CDHR3: variants seen among roughly 807,000 people sequenced by gnomAD.
The protein encoded by CDHR3 is cadherin-related family member 3.
In CDHR3, 79 loss-of-function variants were observed where a neutral mutation model predicts 86.6. That is an observed-to-expected ratio of 0.91 (90% CI 0.76 to 1.10). The LOEUF is 1.10. Among genes scored for constraint, CDHR3 ranks in the 50% least tolerant of loss-of-function variants. The probability of loss-of-function intolerance (pLI) is 0.00; values close to 1 mark genes in which losing one functional copy is unlikely to be tolerated. For missense variants in CDHR3, 1,081 were observed against 1,077.6 expected, an observed-to-expected ratio of 1.00 and a Z score of -0.04; for synonymous variants, 421 against 402.4, an observed-to-expected ratio of 1.05 and a Z score of -0.55.
intron 8 of CDHR3, among the ~76,000 whole-genome samples, chr7:106,007,849 C>T (rs1042094429): frequency 6.6e-6 from 1 of 152,152 alleles, no homozygotes; most frequent in Non-Finnish European, 1.5e-5. Context: ...TCTATTGGTA[C>T]CAATTTACTG....
chr7:106,017,753 CCTT>C, intron 11 of CDHR3, 90 bp from the exon 12 acceptor site: 1 of 1,023,314 alleles, frequency 9.8e-7, no homozygotes, highest in Non-Finnish European at 1.5e-6. Context: ...CTCCAGAAGT[CCTT>C]CTTACCATGG....
At chr7:105,982,832 TATTAGCC>T (rs1829969603) in intron 3 of CDHR3, among the ~76,000 whole-genome samples, 1 of 151,226 alleles carries the variant, frequency 6.6e-6, no homozygotes, top group Non-Finnish European at 1.5e-5. Context: ...AAAATACCAA[TATTAGCC>T]AGATGTGGTG....
chr7:105,968,928 A>T (rs1827416301), intron 1 of CDHR3, among the ~76,000 whole-genome samples: 1 of 151,230 alleles, frequency 6.6e-6, no homozygotes, highest in Non-Finnish European at 1.5e-5. Flanking sequence ...CTCTACTAAA[A>T]ATACAAAAAG....
chr7:106,027,604 A>G (rs1171723056), intron 16 of CDHR3: 1 of 445,812 alleles, frequency 2.2e-6, no homozygotes, highest in Non-Finnish European at 4.5e-6. Flanking sequence ...GCTTGGCCTC[A>G]AGTAGACTCC....
chr7:105,991,116 T>G (rs1307206310), intron 4 of CDHR3, among the ~76,000 whole-genome samples: 2 of 152,188 alleles, frequency 1.3e-5, no homozygotes, highest in African/African-American at 4.8e-5. Flanking sequence ...TAGCCAGGAC[T>G]GGGGGCAGAG....
chr7:105,968,128 G>C (rs1202539089), intron 1 of CDHR3, among the ~76,000 whole-genome samples: 1 of 152,116 alleles, frequency 6.6e-6, no homozygotes, highest in Non-Finnish European at 1.5e-5. Context: ...ATCACTAGTT[G>C]AATCACCTTT....
intron 6 of CDHR3, among the ~76,000 whole-genome samples, chr7:105,999,708 G>A (rs1323073547): frequency 2.0e-5 from 3 of 152,102 alleles, no homozygotes; most frequent in Non-Finnish European, 4.4e-5. Context: ...GCCACCTCTG[G>A]CATCACCTTA....
intron 16 of CDHR3, 138 bp from the exon 17 acceptor site, chr7:106,028,413 A>T: frequency 1.1e-6 from 1 of 932,358 alleles, no homozygotes; most frequent in Non-Finnish European, 1.7e-6. Context: ...AAACATATCT[A>T]TAGACAGAAC....
At chr7:105,980,909 A>T in intron 2 of CDHR3, 59 bp from the exon 3 acceptor site, 1 of 1,472,792 alleles carries the variant, frequency 6.8e-7, no homozygotes, top group South Asian at 1.3e-5. Context: ...TGCAAAGTGC[A>T]TGCATGCAAA....
intron 14 of CDHR3, among the ~76,000 whole-genome samples, chr7:106,023,942 C>T (rs896499856): frequency 6.6e-6 from 1 of 152,074 alleles, no homozygotes. Context: ...TGATATCAGC[C>T]CACTGCTCTG....
At position 105,975,007 on chromosome 7, in the gene CDHR3, A is replaced by T. The variant is rs747286133; in HGVS notation, c.210A>T (p.Glu70Asp). The change falls in exon 2 of 19, where the codon GAA becomes GAT. Residue 70 changes from glutamate to aspartate, a missense_variant. Physicochemically the swap from Glu to Asp is conservative, Grantham distance 45. Transcript: ENST00000317716. ...PQIVNSNPLT[E>D]AFRVNWLSGT... ...TAGTCAACTCAAATCCCCTCACTGA[A>T]GCTTTTAGGGTGAATTGGCTGTCAG... is the stretch of plus-strand genomic sequence containing the variant. 2.5e-6 allele frequency: 4 copies of T among 1,613,962 alleles called. No homozygotes were observed. Among genetic ancestry groups the T allele is most frequent in the Non-Finnish European group, 2.5e-6 (3 of 1,179,868 alleles).
At chr7:106,032,262 G>A (rs1244558890) in intron 18 of CDHR3, 131 bp from the exon 19 acceptor site, 22 of 866,038 alleles carry the variant, frequency 2.5e-5, no homozygotes, top group Non-Finnish European at 3.7e-5. Flanking sequence ...TACTGTCTGT[G>A]TCAGTGATTC....
In CDHR3 at chr7:105,989,092, G is replaced by A. The variant is rs1015385881; in HGVS notation, c.513+4803G>A. ...CTTCCTGGGCACCTTCTGTGTTGTG[G>A]TGGGCATGCAGGTAGAGCCGGGGCT... On this transcript the variant is annotated intron_variant, in intron 4 of 18. Transcript: ENST00000317716. 6.6e-5 allele frequency among the ~76,000 whole-genome samples: 10 copies of A among 152,176 alleles called. No homozygotes were observed. The East Asian group carries it at 1.9e-3, about 29-fold the overall frequency.
chr7:106,020,449 T>TG lies in CDHR3; in HGVS notation c.1732dup (p.Asp578GlyfsTer19). 6.2e-7 allele frequency: 1 copy of TG among 1,613,996 alleles called. No homozygotes were observed. Among genetic ancestry groups the TG allele is most frequent in the Middle Eastern group, 1.6e-4 (1 of 6,062 alleles). On this transcript the variant is annotated frameshift_variant, in exon 13 of 19. Coordinates refer to ENST00000317716, the MANE Select transcript of CDHR3 (RefSeq NM_152750.5). LOFTEE classifies it high-confidence loss of function. ...AACTCTTATTTCCTGGCCCTCCCAG[T>TG]GGATCTGAAAGTTGGCACAAATATT... is the stretch of plus-strand genomic sequence containing the variant.
intron 9 of CDHR3, among the ~76,000 whole-genome samples, chr7:106,014,550 G>GT (rs1247242577): frequency 6.6e-6 from 1 of 152,204 alleles, no homozygotes; most frequent in Non-Finnish European, 1.5e-5. Context: ...GAGGCCACGA[G>GT]TTTGAGGCTG....
intron 1 of CDHR3, among the ~76,000 whole-genome samples, chr7:105,968,249 A>G (rs575003485): frequency 3.2e-4 from 49 of 152,334 alleles, no homozygotes; most frequent in African/African-American, 1.0e-3. Flanking sequence ...GAAGAGGTAT[A>G]TATTGTGGAA....
At chr7:105,989,173 A>T (rs1230597408) in intron 4 of CDHR3, among the ~76,000 whole-genome samples, 3 of 151,750 alleles carry the variant, frequency 2.0e-5, no homozygotes, top group African/African-American at 7.3e-5. Context: ...GATGATCTGC[A>T]TGTGAATAAT....
chr7:105,971,333 G>T (rs546482665), intron 1 of CDHR3, among the ~76,000 whole-genome samples: 1 of 152,266 alleles, frequency 6.6e-6, no homozygotes, highest in South Asian at 2.1e-4. Flanking sequence ...AAGAATATCG[G>T]CAGAAAGGGC....
rs144577911 is a variant in CDHR3 at position 106,013,013 on chromosome 7, T to G, written c.1206T>G (p.Ala402=). 2,195 of 1,607,640 alleles carry G rather than the reference T, an allele frequency of 1.4e-3. 30 individuals carry two copies. In the African/African-American group the frequency reaches 0.026, roughly 19 times the overall value. Residue 402 remains alanine (A), a synonymous_variant, in exon 9 of 19, where the codon GCT becomes GCG. Transcript: ENST00000317716. ...GCAGCAGATTTTTACAGGATCCAGC[T>G]GGCTCTGGGAAGATTGTGGTCAGTT... is the stretch of plus-strand genomic sequence containing the variant. ...GSGSRFLQDP[A]GSGKIVLIGD...
Sources: allele counts gnomAD v4.1 joint callset (sites outside exome capture counted in the v4.1 genomes callset), GRCh38; gene constraint gnomAD v4.1.1; transcripts MANE v1.5; gene names NCBI Gene and HGNC (gene_info 2026-07-23, HGNC 2026-07-21).